The following SV2C variants were observed in gnomAD, a reference collection of about 807,000 sequenced individuals.
The protein encoded by SV2C is synaptic vesicle glycoprotein 2C.
In SV2C, 49 loss-of-function variants were observed where a neutral mutation model predicts 79.7. The ratio of observed to expected loss-of-function variants is 0.61; its 90% CI spans 0.49 to 0.78. SV2C has a LOEUF of 0.78. Ranked by LOEUF, SV2C falls within the 30% of genes least tolerant of loss-of-function variation. The pLI, the probability that SV2C is intolerant of heterozygous loss-of-function variation, is 0.00. For synonymous variants in SV2C, 334 were observed against 333.2 expected, an observed-to-expected ratio of 1.00 and a Z score of -0.03; for missense variants, 833 against 912.9, an observed-to-expected ratio of 0.91 and a Z score of 1.13.
At chr5:75,987,570 A>G in the SV2C span, among the ~76,000 whole-genome samples, 1 of 152,018 alleles carries the variant, frequency 6.6e-6, no homozygotes, top group South Asian at 2.1e-4. Context: ...TGAAGAAAAC[A>G]AAACCCCTGT....
chr5:76,243,591 T>C (rs1341171965), intron 4 of SV2C, among the ~76,000 whole-genome samples: 2 of 152,198 alleles, frequency 1.3e-5, no homozygotes, highest in Non-Finnish European at 2.9e-5. Flanking sequence ...GCATACACCC[T>C]TGGATGCTCA....
chr5:76,304,155 G>A (rs553871181), intron 12 of SV2C, among the ~76,000 whole-genome samples: 36 of 152,204 alleles, frequency 2.4e-4, no homozygotes, highest in Non-Finnish European at 3.7e-4. Context: ...CATTCTCACC[G>A]CGGTCACGCT....
At chr5:75,950,806 G>T in the SV2C span, among the ~76,000 whole-genome samples, 1 of 151,902 alleles carries the variant, frequency 6.6e-6, no homozygotes, top group African/African-American at 2.4e-5. Flanking sequence ...GGATTTTTTA[G>T]AAAATGTTTA....
At chr5:76,036,941 TTTC>T in the SV2C span, among the ~76,000 whole-genome samples, 3 of 152,198 alleles carry the variant, frequency 2.0e-5, no homozygotes, top group Admixed American at 2.0e-4. Context: ...GCTTTGCTCG[TTTC>T]TTTTTATTCT....
At chr5:76,054,085 G>A in the SV2C span, among the ~76,000 whole-genome samples, 1 of 152,012 alleles carries the variant, frequency 6.6e-6, no homozygotes, top group Non-Finnish European at 1.5e-5. Context: ...CGTCAACCCG[G>A]TCATCTAGGT....
intron 4 of SV2C, among the ~76,000 whole-genome samples, chr5:76,234,921 G>A (rs1745566326): frequency 6.6e-6 from 1 of 152,172 alleles, no homozygotes; most frequent in African/African-American, 2.4e-5. Flanking sequence ...ACAAATGCTG[G>A]CCAGACTTCA....
At chr5:76,208,480 C>T (rs1256291006) in intron 3 of SV2C, among the ~76,000 whole-genome samples, 1 of 152,168 alleles carries the variant, frequency 6.6e-6, no homozygotes, top group Non-Finnish European at 1.5e-5. Context: ...TTTTCACCTA[C>T]CAGTTGATGC....
the SV2C span, among the ~76,000 whole-genome samples, chr5:75,935,927 T>C: frequency 1.3e-5 from 2 of 152,186 alleles, no homozygotes; most frequent in African/African-American, 4.8e-5. Flanking sequence ...AAATAAAAAG[T>C]TATAACTACA....
chr5:75,897,285 T>C, the SV2C span, among the ~76,000 whole-genome samples: 1 of 151,988 alleles, frequency 6.6e-6, no homozygotes, highest in Non-Finnish European at 1.5e-5. Flanking sequence ...TTTCTACATA[T>C]GGCTAGCCTG....
chr5:75,989,067 C>T, the SV2C span, among the ~76,000 whole-genome samples: 2 of 151,484 alleles, frequency 1.3e-5, no homozygotes, highest in Non-Finnish European at 3.0e-5. Flanking sequence ...TTCTTTTTTT[C>T]GAAATTTAAA....
intron 2 of SV2C, among the ~76,000 whole-genome samples, chr5:76,143,746 G>A (rs1749334381): frequency 1.3e-5 from 2 of 152,160 alleles, no homozygotes; most frequent in South Asian, 4.1e-4. Flanking sequence ...CATCTTCTAG[G>A]ATTGTGGTTT....
chr5:75,941,453 A>G, the SV2C span, among the ~76,000 whole-genome samples: 1 of 152,220 alleles, frequency 6.6e-6, no homozygotes, highest in East Asian at 1.9e-4. Context: ...TAAGATAGCC[A>G]CCAGGTATTT....
chr5:76,313,298 C>A (rs942074487), intron 12 of SV2C, among the ~76,000 whole-genome samples: 1 of 152,120 alleles, frequency 6.6e-6, no homozygotes, highest in Non-Finnish European at 1.5e-5. Flanking sequence ...CCTATGTAAT[C>A]CACTCCATCC....
chr5:76,345,289 A>G (rs928364290), intron 12 of SV2C, among the ~76,000 whole-genome samples: 1 of 152,232 alleles, frequency 6.6e-6, no homozygotes, highest in South Asian at 2.1e-4. Context: ...ATAAGCATTC[A>G]TTTAGGACAC....
At chr5:76,167,198 A>G (rs1407831837) in intron 2 of SV2C, among the ~76,000 whole-genome samples, 1 of 152,214 alleles carries the variant, frequency 6.6e-6, no homozygotes, top group Non-Finnish European at 1.5e-5. Context: ...GTGAATCTAC[A>G]CCTTCAGACA....
chr5:76,237,029 T>C (rs1337079423), intron 4 of SV2C, among the ~76,000 whole-genome samples: 1 of 152,206 alleles, frequency 6.6e-6, no homozygotes, highest in Non-Finnish European at 1.5e-5. Context: ...AGGTGCCTGC[T>C]TCTCCTTTGC....
chr5:76,250,809 T>A (rs1746090378), intron 4 of SV2C, among the ~76,000 whole-genome samples: 1 of 152,224 alleles, frequency 6.6e-6, no homozygotes, highest in South Asian at 2.1e-4. Context: ...CACAGATTAA[T>A]TTCTCTTGAA....
chr5:76,348,194 C>CT (rs1213438725), intron 12 of SV2C, among the ~76,000 whole-genome samples: 1 of 152,102 alleles, frequency 6.6e-6, no homozygotes, highest in Non-Finnish European at 1.5e-5. Context: ...TTCAGATTGG[C>CT]TTTTTTCACT....
chr5:76,252,473 A>G (rs1336642426), intron 4 of SV2C, among the ~76,000 whole-genome samples: 1 of 152,022 alleles, frequency 6.6e-6, no homozygotes, highest in Non-Finnish European at 1.5e-5. Flanking sequence ...ATCCATAAGC[A>G]CTCTTTCCTT....
Sources: allele counts gnomAD v4.1 joint callset (sites outside exome capture counted in the v4.1 genomes callset), GRCh38; gene constraint gnomAD v4.1.1; transcripts MANE v1.5; gene names NCBI Gene and HGNC (gene_info 2026-07-23, HGNC 2026-07-21).